Variants in PRDM16 observed in about 807,000 individuals in gnomAD.
PRDM16 encodes PR/SET domain 16, also known as histone-lysine N-methyltransferase PRDM16.
Under a neutral mutation model 110.6 loss-of-function variants are expected in PRDM16, and 23 were observed. The observed-to-expected ratio is 0.21, with a 90% CI of 0.15 to 0.29. The LOEUF is 0.29. Ranked by LOEUF, PRDM16 falls within the 10% of genes least tolerant of loss-of-function variation. The pLI, the probability that PRDM16 is intolerant of heterozygous loss-of-function variation, is 1.00. For synonymous variants in PRDM16, 799 were observed against 781.8 expected (o/e 1.02, Z -0.37); for missense variants, 1,615 against 1,794.3 (o/e 0.90, Z 1.81).
chr1:3,346,930 T>G (rs1303939771), intron 3 of PRDM16, among the ~76,000 whole-genome samples: 1 of 152,182 alleles, frequency 6.6e-6, no homozygotes, highest in African/African-American at 2.4e-5. Flanking sequence ...ATCTGTAAAA[T>G]GAGGGACTCC....
In PRDM16 at chr1:3,287,237, C is replaced by T. The variant is rs1640866549; in HGVS notation, c.438+43100C>T. Among the ~76,000 whole-genome samples the T allele has an allele frequency of 4.0e-5, 6 of 151,640 alleles. No homozygotes were observed. The South Asian group carries it at 1.0e-3, about 26-fold the overall frequency. ...GAGCTCCACTTCCCAGCCACGCGGG[C>T]ATCCAGGATTGCATTTACCGGGGCT... On this transcript the variant is annotated intron_variant, in intron 3 of 16. Transcript: ENST00000270722.
At chr1:3,301,352 A>G (rs12407032) in intron 3 of PRDM16, among the ~76,000 whole-genome samples, 57 of 91,814 alleles carry the variant, frequency 6.2e-4, no homozygotes, top group Non-Finnish European at 1.1e-3. Context: ...AAAAAAAAGA[A>G]AAAAAAAAAG....
chr1:3,294,972 C>T (rs531395795), intron 3 of PRDM16, among the ~76,000 whole-genome samples: 41 of 152,334 alleles, frequency 2.7e-4, no homozygotes, highest in African/African-American at 8.7e-4. Context: ...CATCTTCCCC[C>T]GCCTGGTCAC....
rs757162475 is a variant in PRDM16 at position 3,412,648 on chromosome 1, C to T, written c.2451C>T (p.Gly817=). Residue 817 remains glycine (G), a synonymous_variant, in exon 9 of 17, where the codon GGC becomes GGT. Coordinates refer to ENST00000270722, the MANE Select transcript of PRDM16 (RefSeq NM_022114.4). ...GCCGGGCCCGTGCCAGCCAAAACGG[C>T]GGCGGGCGGGAGCCCCGCAAGAACC... is the stretch of plus-strand genomic sequence containing the variant. The part of the protein sequence containing the change: ...IGSRARASQN[G]GGREPRKNHV... 28 of 1,548,982 alleles carry T rather than the reference C, an allele frequency of 1.8e-5. No individual in the cohort carries two copies. The highest frequency in any genetic ancestry group is 8.3e-5 in the South Asian group (7 of 84,598).
At chr1:3,127,260 T>C (rs558840997) in intron 1 of PRDM16, among the ~76,000 whole-genome samples, 47 of 152,384 alleles carry the variant, frequency 3.1e-4, no homozygotes, top group Non-Finnish European at 5.7e-4. Context: ...TGTTACGATT[T>C]GGCATCGAGT....
chr1:3,242,365 T>C (rs1301807382), intron 2 of PRDM16, among the ~76,000 whole-genome samples: 1 of 152,244 alleles, frequency 6.6e-6, no homozygotes, highest in African/African-American at 2.4e-5. Flanking sequence ...ACAGTTTCTC[T>C]GCCCGGGGCG....
chr1:3,431,680 A>C (rs1638773115), intron 15 of PRDM16, among the ~76,000 whole-genome samples: 1 of 152,286 alleles, frequency 6.6e-6, no homozygotes, highest in East Asian at 1.9e-4. Flanking sequence ...TAGAGAATTG[A>C]AGCCTTCTTC....
In PRDM16 at chr1:3,184,531, G is replaced by A. The variant is rs543820153; in HGVS notation, c.38-1594G>A. On this transcript the variant is annotated intron_variant, in intron 1 of 16. Transcript: ENST00000270722. ...GGTGACGGAGCTCACCCCACCTCCT[G>A]TCCCTTCCCGCTGCTCCCCACCTAA... Among the ~76,000 whole-genome samples, 192 of 152,294 alleles carry A rather than the reference G, an allele frequency of 1.3e-3. 2 individuals are homozygous for A. Among genetic ancestry groups the A allele is most frequent in the Non-Finnish European group, 2.0e-3 (137 of 68,028 alleles).
intron 3 of PRDM16, among the ~76,000 whole-genome samples, chr1:3,274,057 T>C (rs181728896): frequency 6.6e-6 from 1 of 151,258 alleles, no homozygotes; most frequent in East Asian, 1.9e-4. Context: ...GATCCAAATT[T>C]TTAACTAATT....
chr1:3,357,747 C>A lies in PRDM16; in HGVS notation c.439-27405C>A, dbSNP rs565087488. Among the ~76,000 whole-genome samples, 14 of 152,356 alleles carry A rather than the reference C, an allele frequency of 9.2e-5. No homozygotes were observed. The East Asian group carries it at 2.3e-3, about 25-fold the overall frequency. On this transcript the variant is annotated intron_variant, in intron 3 of 16. Transcript: ENST00000270722. ...CTTCTCAACCCAGGGCCACTCTGAC[C>A]CCCAGGGGACACTGGCAACACCTGG...
intron 2 of PRDM16, among the ~76,000 whole-genome samples, chr1:3,230,997 T>C (rs918093538): frequency 6.6e-6 from 1 of 152,168 alleles, no homozygotes; most frequent in South Asian, 2.1e-4. Flanking sequence ...GCCTCTCTGC[T>C]GGCAGCTGGA....
At chr1:3,158,809 TG>T (rs1260189216) in intron 1 of PRDM16, among the ~76,000 whole-genome samples, 1 of 151,266 alleles carries the variant, frequency 6.6e-6, no homozygotes, top group African/African-American at 2.4e-5. Context: ...AGTCTTGTTC[TG>T]TTGCCCAGGC....
chr1:3,181,644 G>GGTCTTACACATGCA (rs1557509842), intron 1 of PRDM16, among the ~76,000 whole-genome samples: 16 of 115,960 alleles, frequency 1.4e-4, no homozygotes, highest in African/African-American at 4.0e-4. Flanking sequence ...TCTTACACAC[G>GGTCTTACACATGCA]GTCTTACACA....
intron 8 of PRDM16, 33 bp downstream of exon 8, chr1:3,405,681 C>CCGGGTGCG (rs749912933): frequency 6.5e-7 from 1 of 1,529,048 alleles, no homozygotes; most frequent in Non-Finnish European, 8.8e-7. Flanking sequence ...CGCCTGCCCT[C>CCGGGTGCG]CGGGTGCGCG....
chr1:3,305,972 G>A (rs886678609), intron 3 of PRDM16, among the ~76,000 whole-genome samples: 7 of 152,244 alleles, frequency 4.6e-5, no homozygotes, highest in Non-Finnish European at 8.8e-5. Flanking sequence ...TCAAGGTCAC[G>A]TGCTGGGTAC....
intron 12 of PRDM16, 108 bp downstream of exon 12, chr1:3,418,852 A>G (rs1638348302): frequency 2.4e-6 from 2 of 850,112 alleles, no homozygotes; most frequent in African/African-American, 1.7e-5. Flanking sequence ...TGCTGGAGTG[A>G]GCAGGCAGTG....
intron 2 of PRDM16, among the ~76,000 whole-genome samples, chr1:3,224,753 A>C (rs762389324): frequency 6.6e-6 from 1 of 152,192 alleles, no homozygotes; most frequent in African/African-American, 2.4e-5. Flanking sequence ...GACAGGGGGA[A>C]CCCCTACTGT....
rs562787347 is a variant in PRDM16 at position 3,399,829 on chromosome 1, A to G, written c.677-2962A>G. ...TGATTGTTCTTCATTGGGTCCAGAA[A>G]GAGTAAAATAAAAGCTGGCATTTCT... On this transcript the variant is annotated intron_variant, in intron 5 of 16. Coordinates refer to ENST00000270722, the MANE Select transcript of PRDM16 (RefSeq NM_022114.4). Among the ~76,000 whole-genome samples the G allele has an allele frequency of 4.6e-5, 7 of 152,332 alleles. No individual in the cohort carries two copies. In the East Asian group the frequency reaches 1.3e-3, roughly 29 times the overall value.
At chr1:3,336,849 G>A (rs142911456) in intron 3 of PRDM16, among the ~76,000 whole-genome samples, 37 of 146,388 alleles carry the variant, frequency 2.5e-4, no homozygotes, top group African/African-American at 8.6e-4. Flanking sequence ...CACACATTGT[G>A]TTGGTCTGAA....
Sources: gnomAD v4.1 joint callset for allele counts (sites outside exome capture counted in the v4.1 genomes callset) on GRCh38, gnomAD v4.1.1 for gene constraint, MANE v1.5 for transcripts, NCBI Gene and HGNC (gene_info 2026-07-23, HGNC 2026-07-21) for gene names.